Variants in LOC128092250 observed in about 807,000 individuals in gnomAD.
the LOC128092250 span, chr8:32,647,231 C>CCTGCCGCCGCTGCTG: frequency 1.0e-6 from 1 of 985,348 alleles, no homozygotes; most frequent in South Asian, 4.7e-5. Context: ...TACTGCCTCT[C>CCTGCCGCCGCTGCTG]CTGCCGCCGC....
the LOC128092250 span, chr8:32,647,254 C>G: frequency 1.0e-6 from 1 of 985,326 alleles, no homozygotes; most frequent in Non-Finnish European, 1.2e-6. Flanking sequence ...CTGCTGCCGC[C>G]GCCGCCACCG....
chr8:32,647,238 C>T, the LOC128092250 span: 1 of 985,364 alleles, frequency 1.0e-6, no homozygotes, highest in Non-Finnish European at 1.2e-6. Context: ...TCTCCTGCCG[C>T]CGCTGCTGCT....
the LOC128092250 span, chr8:32,647,361 C>T: frequency 3.0e-6 from 3 of 985,362 alleles, no homozygotes; most frequent in South Asian, 1.4e-4. Context: ...GAGAAACATG[C>T]CTTTCAGTTT....
At chr8:32,647,381 G>T in the LOC128092250 span, 1 of 985,340 alleles carries the variant, frequency 1.0e-6, no homozygotes, top group Non-Finnish European at 1.2e-6. Flanking sequence ...TGGGCTACTG[G>T]TTTACTTAAT....
the LOC128092250 span, chr8:32,647,340 A>G: frequency 5.0e-5 from 49 of 985,154 alleles, 1 homozygote; most frequent in South Asian, 2.1e-3. Flanking sequence ...CCAGCTTCAG[A>G]TGCTCGAGGT....
the LOC128092250 span, chr8:32,647,231 CCTGCCGCCGCTGCTG>C: frequency 1.0e-6 from 1 of 985,348 alleles, no homozygotes; most frequent in African/African-American, 1.7e-5. Flanking sequence ...TACTGCCTCT[CCTGCCGCCGCTGCTG>C]CTGCCGCCGC....
At chr8:32,647,236 C>T in the LOC128092250 span, 2 of 985,206 alleles carry the variant, frequency 2.0e-6, no homozygotes, top group Non-Finnish European at 2.4e-6. Context: ...CCTCTCCTGC[C>T]GCCGCTGCTG....
the LOC128092250 span, chr8:32,647,359 T>C: frequency 8.8e-5 from 87 of 985,228 alleles, no homozygotes; most frequent in Non-Finnish European, 1.0e-4. Context: ...GTGAGAAACA[T>C]GCCTTTCAGT....
the LOC128092250 span, chr8:32,647,267 G>A: frequency 6.1e-6 from 6 of 985,266 alleles, no homozygotes; most frequent in Admixed American, 6.1e-5. Flanking sequence ...CGCCACCGCC[G>A]CTGGTCCTCC....
the LOC128092250 span, chr8:32,647,205 C>A: frequency 1.0e-6 from 1 of 985,394 alleles, no homozygotes; most frequent in South Asian, 4.7e-5. Context: ...CAACAGGATG[C>A]TGTTGCTATT....
chr8:32,647,293 T>A, the LOC128092250 span: 1 of 985,398 alleles, frequency 1.0e-6, no homozygotes, highest in Non-Finnish European at 1.2e-6. Flanking sequence ...CTTTTACTTC[T>A]CCTGCATGAC....
chr8:32,647,248 T>TGCC, the LOC128092250 span: 5,922 of 985,370 alleles, frequency 6.0e-3, 23 homozygotes, highest in Non-Finnish European at 6.3e-3. Context: ...CCGCTGCTGC[T>TGCC]GCCGCCGCCG....
the LOC128092250 span, chr8:32,647,335 TTCAGATGCTCGAGG>T: frequency 1.0e-6 from 1 of 985,292 alleles, no homozygotes; most frequent in South Asian, 4.7e-5. Context: ...AGACACCAGC[TTCAGATGCTCGAGG>T]TGAGAAACAT....
At chr8:32,647,239 C>A in the LOC128092250 span, 2 of 983,520 alleles carry the variant, frequency 2.0e-6, no homozygotes, top group Non-Finnish European at 2.4e-6. Flanking sequence ...CTCCTGCCGC[C>A]GCTGCTGCTG....
the LOC128092250 span, chr8:32,647,299 A>C: frequency 3.0e-6 from 3 of 985,316 alleles, no homozygotes; most frequent in Non-Finnish European, 2.4e-6. Flanking sequence ...CTTCTCCTGC[A>C]TGACAGTTGT....
At chr8:32,647,380 G>A in the LOC128092250 span, 1 of 985,210 alleles carries the variant, frequency 1.0e-6, no homozygotes, top group African/African-American at 1.7e-5. Context: ...TTGGGCTACT[G>A]GTTTACTTAA....
At chr8:32,647,231 C>T in the LOC128092250 span, 36 of 985,230 alleles carry the variant, frequency 3.7e-5, no homozygotes, top group Non-Finnish European at 4.1e-5. Context: ...TACTGCCTCT[C>T]CTGCCGCCGC....
At chr8:32,647,324 C>T in the LOC128092250 span, 1 of 985,394 alleles carries the variant, frequency 1.0e-6, no homozygotes, top group South Asian at 4.7e-5. Flanking sequence ...TTCATCTGAG[C>T]AGACACCAGC....
chr8:32,647,258 G>A, the LOC128092250 span: 21 of 985,304 alleles, frequency 2.1e-5, no homozygotes, highest in Non-Finnish European at 2.3e-5. Flanking sequence ...TGCCGCCGCC[G>A]CCACCGCCGC....
Sources: allele counts gnomAD v4.1 joint callset, GRCh38; gene constraint gnomAD v4.1.1; transcripts MANE v1.5.